Variants in CRYBG1 observed in about 807,000 individuals in gnomAD.
The protein encoded by CRYBG1 is crystallin beta-gamma domain containing 1, also known as beta/gamma crystallin domain-containing protein 1.
A neutral mutation model predicts 189.2 loss-of-function variants in CRYBG1; 139 were observed. The ratio of observed to expected loss-of-function variants is 0.73; its 90% CI spans 0.64 to 0.85. CRYBG1 has a LOEUF of 0.85. Among genes scored for constraint, CRYBG1 ranks in the 40% least tolerant of loss-of-function variants. CRYBG1 has a pLI of 0.00. For missense variants in CRYBG1, 2,611 were observed against 2,675.8 expected (o/e 0.98, Z 0.53); for synonymous variants, 1,023 against 1,017.1 (o/e 1.01, Z -0.11).
chr6:106,407,211 C>CA lies in CRYBG1; in HGVS notation c.174-44474dup, dbSNP rs144880146. 1.7e-4 allele frequency among the ~76,000 whole-genome samples: 26 copies of CA among 151,156 alleles called. No individual in the cohort carries two copies. The East Asian group carries it at 2.7e-3, about 16-fold the overall frequency. On this transcript the variant is annotated intron_variant, in intron 1 of 21. Transcript: ENST00000633556. ...GAATATTTACCAAGAATATGGAAAG[C>CA]AAAAAAAAAGCAGGGGTTGCAATCC...
intron 2 of CRYBG1, among the ~76,000 whole-genome samples, chr6:106,471,053 C>T (rs1232389145): frequency 6.6e-6 from 1 of 152,104 alleles, no homozygotes; most frequent in African/African-American, 2.4e-5. Flanking sequence ...TCAGCCCCAC[C>T]CTTGTAATTT....
chr6:106,447,354 G>C (rs1288868870), intron 1 of CRYBG1, among the ~76,000 whole-genome samples: 1 of 152,046 alleles, frequency 6.6e-6, no homozygotes, highest in African/African-American at 2.4e-5. Flanking sequence ...TAGAAAGAAT[G>C]AATAAGACTC....
intron 6 of CRYBG1, 82 bp from the exon 7 acceptor site, chr6:106,527,223 A>G (rs1322344958): frequency 1.7e-6 from 2 of 1,169,618 alleles, no homozygotes; most frequent in Non-Finnish European, 2.4e-6. Flanking sequence ...TATATATAAA[A>G]TGGCAATTAG....
chr6:106,495,868 T>C (rs1772839629), intron 2 of CRYBG1, among the ~76,000 whole-genome samples: 1 of 151,288 alleles, frequency 6.6e-6, no homozygotes, highest in Non-Finnish European at 1.5e-5. Flanking sequence ...TTTTCAAATT[T>C]CAAAGGCAAA....
Position 106,427,607 on chromosome 6 carries a change from G to C in CRYBG1, c.174-24087G>C, listed in dbSNP as rs139972642. Among the ~76,000 whole-genome samples, 214 of 152,278 alleles carry C rather than the reference G, an allele frequency of 1.4e-3. 2 individuals carry two copies. Among genetic ancestry groups the C allele is most frequent in the African/African-American group, 4.8e-3 (198 of 41,554 alleles). ...AAAGAGCAGCCTTTGTGGTCTTCCT[G>C]TTTTGTCTCCCGCTGCCCTACTGTC... On this transcript the variant is annotated intron_variant, in intron 1 of 21. Transcript: ENST00000633556.
At chr6:106,495,593 T>A (rs947641004) in intron 2 of CRYBG1, among the ~76,000 whole-genome samples, 1 of 151,760 alleles carries the variant, frequency 6.6e-6, no homozygotes, top group Non-Finnish European at 1.5e-5. Context: ...GGGGGCTGAG[T>A]ACCCTTGGAT....
At chr6:106,459,933 A>C (rs745491313) in intron 2 of CRYBG1, among the ~76,000 whole-genome samples, 1 of 152,120 alleles carries the variant, frequency 6.6e-6, no homozygotes, top group Non-Finnish European at 1.5e-5. Context: ...ATATATACTA[A>C]TATTTTCATT....
chr6:106,439,681 C>A (rs1248388545), intron 1 of CRYBG1, among the ~76,000 whole-genome samples: 1 of 151,760 alleles, frequency 6.6e-6, no homozygotes, highest in African/African-American at 2.4e-5. Context: ...TCTCTCTGTA[C>A]TGGAAGCCTC....
intron 17 of CRYBG1, 123 bp from the exon 18 acceptor site, chr6:106,558,363 G>A: frequency 1.3e-6 from 1 of 768,534 alleles, no homozygotes; most frequent in Non-Finnish European, 2.0e-6. Context: ...TGGAAAAGGA[G>A]TTTATGGAAA....
At position 106,539,288 on chromosome 6, in the gene CRYBG1, G is replaced by A. The variant is rs949981039; in HGVS notation, c.4719-115G>A. 17 of 1,249,348 alleles carry A rather than the reference G, an allele frequency of 1.4e-5. No individual in the cohort carries two copies. In the Middle Eastern group the frequency reaches 5.9e-4, roughly 43 times the overall value. The allele number at this position is 1,249,348 out of a possible 1,614,324, so 77.4% of individuals were successfully genotyped here. A position where few individuals can be genotyped will look rare whatever the true frequency, so the allele number is the denominator to read the frequency against. ...ACACCTGAGTCCAACCATTCATTAT[G>A]TAGGTCCGTATCCTCTCCTGTTCTT... On this transcript the variant is annotated intron_variant, in intron 8 of 21. Transcript: ENST00000633556.
At chr6:106,422,321 G>GTCATTTAT (rs1771141745) in intron 1 of CRYBG1, among the ~76,000 whole-genome samples, 1 of 142,462 alleles carries the variant, frequency 7.0e-6, no homozygotes, top group African/African-American at 2.7e-5. Context: ...ATAGGGTTTT[G>GTCATTTAT]TTATTTATTT....
intron 1 of CRYBG1, 123 bp downstream of exon 1, chr6:106,361,204 C>T (rs1238378761): frequency 1.7e-6 from 2 of 1,203,490 alleles, no homozygotes; most frequent in African/African-American, 3.1e-5. Context: ...TGTTTCAGTC[C>T]GCAGGAGGGT....
At chr6:106,441,969 A>T (rs547530974) in intron 1 of CRYBG1, among the ~76,000 whole-genome samples, 23 of 152,302 alleles carry the variant, frequency 1.5e-4, no homozygotes, top group African/African-American at 5.3e-4. Context: ...GCACCATATT[A>T]TGTGTAGGAA....
At chr6:106,441,043 G>A (rs969519995) in intron 1 of CRYBG1, among the ~76,000 whole-genome samples, 3 of 152,092 alleles carry the variant, frequency 2.0e-5, no homozygotes, top group African/African-American at 7.2e-5. Flanking sequence ...TTACAATCAG[G>A]GAAATCTTGG....
chr6:106,392,912 T>C (rs1315067907), intron 1 of CRYBG1, among the ~76,000 whole-genome samples: 1 of 151,816 alleles, frequency 6.6e-6, no homozygotes, highest in East Asian at 1.9e-4. Flanking sequence ...GTAGCTAGGG[T>C]TATAGGTGCG....
At chr6:106,410,194 C>A (rs1468682968) in intron 1 of CRYBG1, among the ~76,000 whole-genome samples, 1 of 152,092 alleles carries the variant, frequency 6.6e-6, no homozygotes, top group South Asian at 2.1e-4. Flanking sequence ...ACAACCCCAT[C>A]AAAAAGTGGG....
In CRYBG1 at chr6:106,517,307, C is replaced by T. The variant is rs1044181671; in HGVS notation, c.1923-1824C>T. Among the ~76,000 whole-genome samples the T allele has an allele frequency of 3.6e-3, 480 of 132,506 alleles. 9 individuals carry two copies. The highest frequency in any genetic ancestry group is 0.011 in the African/African-American group (328 of 30,906). The allele number at this position is 132,506 out of a possible 152,430, so 86.9% of individuals were successfully genotyped here. On this transcript the variant is annotated intron_variant, in intron 3 of 21. Coordinates refer to ENST00000633556, the MANE Select transcript of CRYBG1 (RefSeq NM_001371242.2). ...ATATATATATACATATATATATACA[C>T]ACACACACACATATATATATACACA...
intron 3 of CRYBG1, among the ~76,000 whole-genome samples, chr6:106,517,508 A>G (rs905647052): frequency 1.3e-5 from 2 of 151,272 alleles, no homozygotes; most frequent in Admixed American, 6.6e-5. Flanking sequence ...ATATATATAT[A>G]TACACACACA....
chr6:106,469,676 A>T (rs1000697205), intron 2 of CRYBG1, among the ~76,000 whole-genome samples: 1 of 152,164 alleles, frequency 6.6e-6, no homozygotes, highest in Non-Finnish European at 1.5e-5. Context: ...GTAATCGTTG[A>T]TATTAACCAT....
Sources: allele counts gnomAD v4.1 joint callset (sites outside exome capture counted in the v4.1 genomes callset), GRCh38; gene constraint gnomAD v4.1.1; transcripts MANE v1.5; gene names NCBI Gene and HGNC (gene_info 2026-07-23, HGNC 2026-07-21).